Variants in C9orf40 observed in about 807,000 individuals in gnomAD.
The protein encoded by C9orf40 is uncharacterized protein C9orf40.
C9orf40 carries 2 observed loss-of-function variants against 7.9 expected under a neutral mutation model. That is an observed-to-expected ratio of 0.25 (90% CI 0.10 to 0.80). The LOEUF (loss-of-function observed/expected upper bound fraction) is 0.80, where lower values mean the gene tolerates loss of function less well. Among genes scored for constraint, C9orf40 ranks in the 30% least tolerant of loss-of-function variants. C9orf40 has a pLI of 0.68. For missense variants in C9orf40, 256 were observed against 268.5 expected (o/e 0.95, Z 0.33); for synonymous variants, 113 against 117.6 (o/e 0.96, Z 0.25).
rs553122094 is a variant in C9orf40 at position 74,952,832 on chromosome 9, C to G, written c.-221G>C. The G allele has an allele frequency of 2.3e-4, 111 of 488,190 alleles. No homozygotes were observed. In the East Asian group the frequency reaches 3.9e-3, roughly 17 times the overall value. The allele number at this position is 488,190 out of a possible 1,614,324, so 30.2% of individuals were successfully genotyped here. A position where few individuals can be genotyped will look rare whatever the true frequency, so the allele number is the denominator to read the frequency against. On this transcript the variant is annotated 5_prime_UTR_variant, in exon 1 of 2. Coordinates refer to ENST00000376854, the MANE Select transcript of C9orf40 (RefSeq NM_017998.3). This position sits in a 1 kb window ranked among gnomAD's most constrained non-coding sequence, Gnocchi z 5.4. ...TCCCGCGCTCAGCCCTCGCCGCCGC[C>G]GAGATGCGGCCCGGACGTTGAGAAG...
chr9:74,950,753 G>T (rs1832286815), intron 1 of C9orf40, among the ~76,000 whole-genome samples: 1 of 152,138 alleles, frequency 6.6e-6, no homozygotes, highest in Non-Finnish European at 1.5e-5. Context: ...ACGTTGGGAG[G>T]ATGCTATCAG....
intron 1 of C9orf40, among the ~76,000 whole-genome samples, chr9:74,950,107 C>T (rs1832280690): frequency 6.6e-6 from 1 of 152,146 alleles, no homozygotes; most frequent in African/African-American, 2.4e-5. Flanking sequence ...GGAGCGAGAC[C>T]CCAAGACCCT....
rs1832317839 is a variant in C9orf40 at position 74,952,625 on chromosome 9, C to G, written c.-14G>C. 6.5e-7 allele frequency: 1 copy of G among 1,535,736 alleles called. No homozygotes were observed. The highest frequency in any genetic ancestry group is 2.0e-5 in the Admixed American group (1 of 50,172). ...CCGCTTGGCCATGGGCCCAGAGGCT[C>G]GGGCGGAGCCCGCCAGGCGCGGGAG... On this transcript the variant is annotated 5_prime_UTR_variant, in exon 1 of 2. Transcript: ENST00000376854. The surrounding 1 kb of genome is among the most constrained non-coding windows in gnomAD (Gnocchi z 5.4).
In C9orf40 at chr9:74,948,122, A is replaced by C. The variant is rs763770773; in HGVS notation, c.511T>G (p.Leu171Val). Residue 171 changes from leucine to valine, a missense_variant, in exon 2 of 2, where the codon TTA becomes GTA. By Grantham distance (32) the Leu-to-Val change is conservative (BLOSUM62 1). Coordinates refer to ENST00000376854, the MANE Select transcript of C9orf40 (RefSeq NM_017998.3). ...GCTTCTGTCAGGGTGTCTTCACTTA[A>C]ATCTTCAATGTCTGCCAGATCAATA... Reference protein sequence around the residue: ...PPIDLADIEDLSEDTLTEATL... With the variant: ...PPIDLADIEDVSEDTLTEATL... The C allele has an allele frequency of 7.4e-6, 12 of 1,613,956 alleles. No homozygotes were observed. In the African/African-American group the frequency reaches 1.5e-4, roughly 20 times the overall value.
In C9orf40 at chr9:74,947,026, A is replaced by G. The variant is rs1402751376; in HGVS notation, c.*1022T>C. ...ATAACACAATAATTCAGTTGTAACA[A>G]AGCCACCAACAGAGCAAAACAAAAA... On this transcript the variant is annotated 3_prime_UTR_variant, in exon 2 of 2. Transcript: ENST00000376854. 1.3e-5 allele frequency: 2 copies of G among 152,228 alleles called. No homozygotes were observed. Among genetic ancestry groups the G allele is most frequent in the Non-Finnish European group, 2.9e-5 (2 of 68,032 alleles). The allele number at this position is 152,228 out of a possible 1,614,324, so 9.4% of individuals were successfully genotyped here. A position where few individuals can be genotyped will look rare whatever the true frequency, so the allele number is the denominator to read the frequency against.
intron 1 of C9orf40, 62 bp from the exon 2 acceptor site, chr9:74,948,268 AG>A: frequency 7.9e-7 from 1 of 1,258,406 alleles, no homozygotes; most frequent in Non-Finnish European, 1.1e-6. Context: ...AGTTTTTTTC[AG>A]AAAACAAATT....
At chr9:74,951,039 T>C (rs1473212473) in intron 1 of C9orf40, among the ~76,000 whole-genome samples, 1 of 152,242 alleles carries the variant, frequency 6.6e-6, no homozygotes, top group Non-Finnish European at 1.5e-5. Flanking sequence ...AGCTATTTTA[T>C]CTTCATTTAT....
intron 1 of C9orf40, among the ~76,000 whole-genome samples, chr9:74,950,095 T>G (rs1208101498): frequency 6.6e-6 from 1 of 152,132 alleles, no homozygotes; most frequent in African/African-American, 2.4e-5. Context: ...AGCCTGGGCA[T>G]GGGAGCGAGA....
At position 74,946,682 on chromosome 9, in the gene C9orf40, C is replaced by T. The variant is rs1237742453; in HGVS notation, c.*1366G>A. ...TTAAAGATACATAGGTAGGAAGTGG[C>T]AGTACAAGACTTTGAACCATGTCTG... is the stretch of plus-strand genomic sequence containing the variant. On this transcript the variant is annotated 3_prime_UTR_variant, in exon 2 of 2. Transcript: ENST00000376854. 6.6e-6 allele frequency: 1 copy of T among 152,100 alleles called. No homozygotes were observed. Among genetic ancestry groups the T allele is most frequent in the Non-Finnish European group, 1.5e-5 (1 of 68,002 alleles). 9.4% of individuals were successfully genotyped at this position (152,100 alleles called of 1,614,324 possible). A position where few individuals can be genotyped will look rare whatever the true frequency, so the allele number is the denominator to read the frequency against.
intron 1 of C9orf40, among the ~76,000 whole-genome samples, chr9:74,951,300 CTTTT>C (rs1030676264): frequency 6.8e-6 from 1 of 148,074 alleles, no homozygotes; most frequent in Non-Finnish European, 1.5e-5. Flanking sequence ...CTTTTCTTTT[CTTTT>C]TTTTTGAGAC....
chr9:74,951,035 T>G (rs1168052747), intron 1 of C9orf40, among the ~76,000 whole-genome samples: 1 of 152,222 alleles, frequency 6.6e-6, no homozygotes. Flanking sequence ...ATTGAGCTAT[T>G]TTATCTTCAT....
intron 1 of C9orf40, among the ~76,000 whole-genome samples, chr9:74,948,673 G>C (rs1298861995): frequency 6.6e-6 from 1 of 152,042 alleles, no homozygotes; most frequent in East Asian, 1.9e-4. Flanking sequence ...CTTCCAAAAA[G>C]TATTAGGTTA....
rs976736492 is a variant in C9orf40, at chr9:74,952,306, C to T, written c.306G>A (p.Pro102=). The change falls in exon 1 of 2, where the codon CCG becomes CCA. Residue 102 remains proline, a synonymous_variant. Coordinates refer to ENST00000376854, the MANE Select transcript of C9orf40 (RefSeq NM_017998.3). This position sits in a 1 kb window ranked among gnomAD's most constrained non-coding sequence, Gnocchi z 5.4. ...CCTCCCCCGGCCCCGGCAGTACGGGCGGCGGCGGCAGCGGCGGATCGCCTG... is the reference window on the plus strand; with the variant it reads ...CCTCCCCCGGCCCCGGCAGTACGGGTGGCGGCGGCAGCGGCGGATCGCCTG... ...LETGDPPLPP[P]PVLPGPGEEL... The T allele has an allele frequency of 3.7e-6, 5 of 1,368,652 alleles. No homozygotes were observed. Among genetic ancestry groups the T allele is most frequent in the Non-Finnish European group, 3.8e-6 (4 of 1,062,696 alleles). 84.8% of individuals were successfully genotyped at this position (1,368,652 alleles called of 1,614,324 possible). A position where few individuals can be genotyped will look rare whatever the true frequency, so the allele number is the denominator to read the frequency against.
Position 74,947,004 on chromosome 9 carries a change from A to G in C9orf40, c.*1044T>C, listed in dbSNP as rs1832248385. On this transcript the variant is annotated 3_prime_UTR_variant, in exon 2 of 2. Transcript: ENST00000376854. Reference sequence around the variant, plus strand: ...TTTCTTTAACAATGAAATAGTAATAACACAATAATTCAGTTGTAACAAAGC... The same window carrying G: ...TTTCTTTAACAATGAAATAGTAATAGCACAATAATTCAGTTGTAACAAAGC... 1 of 152,354 alleles carries G rather than the reference A, an allele frequency of 6.6e-6. No individual in the cohort carries two copies. Among genetic ancestry groups the G allele is most frequent in the South Asian group, 2.1e-4 (1 of 4,832 alleles). The allele number at this position is 152,354 out of a possible 1,614,324, so 9.4% of individuals were successfully genotyped here.
Position 74,952,621 on chromosome 9 carries a change from G to T in C9orf40, c.-10C>A. 6.5e-7 allele frequency: 1 copy of T among 1,543,886 alleles called. No homozygotes were observed. Among genetic ancestry groups the T allele is most frequent in the Non-Finnish European group, 8.7e-7 (1 of 1,155,634 alleles). On this transcript the variant is annotated 5_prime_UTR_variant, in exon 1 of 2. Coordinates refer to ENST00000376854, the MANE Select transcript of C9orf40 (RefSeq NM_017998.3). This position sits in a 1 kb window ranked among gnomAD's most constrained non-coding sequence, Gnocchi z 5.4. ...CACGCCGCTTGGCCATGGGCCCAGA[G>T]GCTCGGGCGGAGCCCGCCAGGCGCG...
At chr9:74,950,486 T>A (rs572439976) in intron 1 of C9orf40, among the ~76,000 whole-genome samples, 10 of 152,118 alleles carry the variant, frequency 6.6e-5, no homozygotes, top group Non-Finnish European at 1.3e-4. Context: ...TCCATATCCA[T>A]TATGGATGGA....
chr9:74,948,300 A>C, intron 1 of C9orf40, 94 bp from the exon 2 acceptor site: 1 of 802,798 alleles, frequency 1.2e-6, no homozygotes, highest in Non-Finnish European at 1.9e-6. Context: ...GCAAACTCAT[A>C]TAAGATTTTG....
intron 1 of C9orf40, among the ~76,000 whole-genome samples, chr9:74,948,642 T>C (rs962479235): frequency 6.6e-6 from 1 of 152,186 alleles, no homozygotes; most frequent in African/African-American, 2.4e-5. Flanking sequence ...TTACTTTACA[T>C]AGGCCAAAAT....
chr9:74,949,609 T>C (rs981566771), intron 1 of C9orf40, among the ~76,000 whole-genome samples: 1 of 152,222 alleles, frequency 6.6e-6, no homozygotes, highest in African/African-American at 2.4e-5. Context: ...ATTTCCTAAA[T>C]GAAGTCCCAA....
Sources: allele counts gnomAD v4.1 joint callset (sites outside exome capture counted in the v4.1 genomes callset), GRCh38; gene constraint gnomAD v4.1.1; non-coding constraint Gnocchi (gnomAD v3.1); transcripts MANE v1.5; gene names NCBI Gene and HGNC (gene_info 2026-07-23, HGNC 2026-07-21).